Variants in NUP205 observed in about 807,000 individuals in gnomAD.
NUP205 encodes nucleoporin 205, also known as nuclear pore complex protein Nup205.
NUP205 carries 76 observed loss-of-function variants against 253.8 expected under a neutral mutation model. That is an observed-to-expected ratio of 0.30 (90% CI 0.25 to 0.36). The LOEUF (loss-of-function observed/expected upper bound fraction) is 0.36, where lower values mean the gene tolerates loss of function less well. Among genes scored for constraint, NUP205 ranks in the 10% least tolerant of loss-of-function variants. NUP205 has a pLI of 1.00. For synonymous variants in NUP205, 832 were observed against 850.1 expected (o/e 0.98, Z 0.37); for missense variants, 2,162 against 2,425.5 (o/e 0.89, Z 2.28).
At chr7:135,565,825 A>G (rs1296186660) in intron 1 of NUP205, among the ~76,000 whole-genome samples, 7 of 152,108 alleles carry the variant, frequency 4.6e-5, no homozygotes, top group African/African-American at 1.7e-4. Context: ...GCTACTGGAA[A>G]CTTTGCCATT....
At chr7:135,608,312 C>T (rs1432621535) in intron 22 of NUP205, among the ~76,000 whole-genome samples, 1 of 152,114 alleles carries the variant, frequency 6.6e-6, no homozygotes, top group African/African-American at 2.4e-5. Flanking sequence ...GCATGAGCCA[C>T]CGCGCCTGGC....
chr7:135,569,630 C>A lies in NUP205; in HGVS notation c.29-1475C>A, dbSNP rs546538284. The stretch of plus-strand genomic sequence containing the variant: ...AAAATGGAGGAAGCCATAGTGCTAA[C>A]CTCATAGGGTGTTGTTAAGACATAA... On this transcript the variant is annotated intron_variant, in intron 1 of 42. Coordinates refer to ENST00000285968, the MANE Select transcript of NUP205 (RefSeq NM_015135.3). Among the ~76,000 whole-genome samples, 275 of 151,862 alleles carry A rather than the reference C, an allele frequency of 1.8e-3. 1 individual carries two copies. The highest frequency in any genetic ancestry group is 2.9e-3 in the Non-Finnish European group (197 of 67,988).
intron 13 of NUP205, among the ~76,000 whole-genome samples, chr7:135,596,037 C>T (rs1388317741): frequency 4.6e-5 from 7 of 151,930 alleles, no homozygotes; most frequent in East Asian, 3.9e-4. Context: ...TGGGTTCAAG[C>T]GATTCTCCTG....
chr7:135,635,970 C>T (rs1048641792), intron 36 of NUP205, among the ~76,000 whole-genome samples: 5 of 152,154 alleles, frequency 3.3e-5, no homozygotes, highest in African/African-American at 4.8e-5. Context: ...GTTTTGGTTA[C>T]ATTAATATTT....
intron 22 of NUP205, among the ~76,000 whole-genome samples, chr7:135,608,101 A>G (rs1029626870): frequency 6.8e-6 from 1 of 147,854 alleles, no homozygotes; most frequent in Non-Finnish European, 1.5e-5. Flanking sequence ...ATTGTGGCAC[A>G]CTGCAACCTC....
intron 3 of NUP205, 51 bp downstream of exon 3, chr7:135,573,876 A>G: frequency 2.2e-6 from 3 of 1,390,584 alleles, no homozygotes; most frequent in South Asian, 2.5e-5. Context: ...AAATTATAAA[A>G]TCACTCATAG....
chr7:135,638,726 T>C lies in NUP205; in HGVS notation c.5392+43T>C, dbSNP rs189803476. Reference sequence around the variant, plus strand: ...TTCTGTATTGAAGGAACTAAGTTGCTATGGTTATGACATAGCTCTCCAGCT... The same window carrying C: ...TTCTGTATTGAAGGAACTAAGTTGCCATGGTTATGACATAGCTCTCCAGCT... On this transcript the variant is annotated intron_variant, in intron 38 of 42. Transcript: ENST00000285968. 4.8e-5 allele frequency: 78 copies of C among 1,611,534 alleles called. 1 individual carries two copies. The Middle Eastern group carries it at 5.0e-4, about 10-fold the overall frequency.
intron 22 of NUP205, among the ~76,000 whole-genome samples, chr7:135,612,582 GAACCCTTTTT>G (rs1468743111): frequency 2.0e-5 from 3 of 152,162 alleles, no homozygotes; most frequent in African/African-American, 7.2e-5. Context: ...ACCATTTAAA[GAACCCTTTTT>G]ATAGTATGAT....
intron 12 of NUP205, among the ~76,000 whole-genome samples, chr7:135,593,941 T>C (rs1793759393): frequency 6.6e-6 from 1 of 152,166 alleles, no homozygotes; most frequent in Non-Finnish European, 1.5e-5. Context: ...TAATTCATTG[T>C]GTATGTTCAA....
chr7:135,579,601 G>GTTTTTTT (rs1806249777), intron 7 of NUP205, among the ~76,000 whole-genome samples: 1 of 152,190 alleles, frequency 6.6e-6, no homozygotes, highest in East Asian at 1.9e-4. Flanking sequence ...ATTAAAAACA[G>GTTTTTTT]TTATTTTTCC....
Position 135,645,474 on chromosome 7 carries a change from T to C in NUP205, c.5690T>C (p.Ile1897Thr). The C allele has an allele frequency of 6.8e-6, 11 of 1,613,782 alleles. No individual in the cohort carries two copies. Among genetic ancestry groups the C allele is most frequent in the South Asian group, 1.1e-5 (1 of 91,046 alleles). The change falls in exon 41 of 43, where the codon ATA becomes ACA. Residue 1897 changes from isoleucine to threonine, a missense_variant. Physicochemically the swap from Ile to Thr is moderately conservative, Grantham distance 89 (BLOSUM62 -1). Coordinates refer to ENST00000285968, the MANE Select transcript of NUP205 (RefSeq NM_015135.3). ...AATCTGAGCTCTGGTATAGTTATCA[T>C]AGAGACCTGCCTATTTATTCTTTGG... is the stretch of plus-strand genomic sequence containing the variant. ...AKLLSLCSFI[I>T]ETCLFILWRH...
At chr7:135,615,815 C>T in intron 23 of NUP205, 101 bp from the exon 24 acceptor site, 1 of 648,984 alleles carries the variant, frequency 1.5e-6, no homozygotes, top group Non-Finnish European at 2.4e-6. Context: ...AAATTATTGA[C>T]TTTGTTACAT....
intron 38 of NUP205, among the ~76,000 whole-genome samples, chr7:135,642,618 G>A (rs955840736): frequency 3.3e-5 from 5 of 152,196 alleles, no homozygotes; most frequent in Admixed American, 3.3e-4. Context: ...TAATGTAGCT[G>A]TTGTGGCAAA....
At chr7:135,620,977 T>A (rs1308754500) in intron 30 of NUP205, among the ~76,000 whole-genome samples, 1 of 152,270 alleles carries the variant, frequency 6.6e-6, no homozygotes, top group East Asian at 1.9e-4. Context: ...CTTTATATAC[T>A]TTATAGACAT....
Position 135,618,400 on chromosome 7 carries a change from C to T in NUP205, c.3772-12C>T. ...CCTGTTTAACCTTGTGATTCAATTC[C>T]TGTGGCTTTAGGAAATCAGCACTGT... On this transcript the variant is annotated splice_polypyrimidine_tract_variant and intron_variant, in intron 27 of 42. Coordinates refer to ENST00000285968, the MANE Select transcript of NUP205 (RefSeq NM_015135.3). 6.2e-7 allele frequency: 1 copy of T among 1,612,034 alleles called. No individual in the cohort carries two copies. The highest frequency in any genetic ancestry group is 8.5e-7 in the Non-Finnish European group (1 of 1,178,608).
Position 135,618,560 on chromosome 7 carries a change from G to A in NUP205, c.3920G>A (p.Arg1307Gln), listed in dbSNP as rs774676240. ...CPQDLIQAED[R>Q]QLIIRDILQD... ...CAGGACCTCATTCAGGCAGAGGATC[G>A]ACAACTGATTATTCGTGATATTTTA... is the stretch of plus-strand genomic sequence containing the variant. The change falls in exon 28 of 43, where the codon CGA becomes CAA. Residue 1307 changes from arginine to glutamine, a missense_variant. This residue lies in a region of NUP205 where 1,144 missense variants were observed against 1,280.9 expected (regional missense o/e 0.89). Transcript: ENST00000285968. 3.1e-6 allele frequency: 5 copies of A among 1,611,456 alleles called. No individual in the cohort carries two copies. Among genetic ancestry groups the A allele is most frequent in the East Asian group, 2.2e-5 (1 of 44,846 alleles).
In NUP205 at chr7:135,648,501, T is replaced by C. The variant is rs869312984; in HGVS notation, c.5984T>C (p.Phe1995Ser). 9 of 1,605,628 alleles carry C rather than the reference T, an allele frequency of 5.6e-6. No individual in the cohort carries two copies. Among genetic ancestry groups the C allele is most frequent in the Non-Finnish European group, 7.6e-6 (9 of 1,177,352 alleles). Residue 1995 changes from phenylalanine (F) to serine (S), a missense_variant, in exon 43 of 43, where the codon TTC becomes TCC. Around this residue, in one of 5 missense-constraint regions of NUP205, gnomAD observed 1,144 missense variants for 1,280.9 expected, o/e 0.89. Coordinates refer to ENST00000285968, the MANE Select transcript of NUP205 (RefSeq NM_015135.3). ...TCAAAAGTTCGATCTCGATATAGTT[T>C]CATACAGGCTCTTGTCAGACGTATC... ...LYSKVRSRYS[F>S]IQALVRRIRG...
chr7:135,598,489 T>C (rs1402068944), intron 15 of NUP205, among the ~76,000 whole-genome samples: 1 of 152,194 alleles, frequency 6.6e-6, no homozygotes, highest in Non-Finnish European at 1.5e-5. Context: ...GAACAAAAAG[T>C]GTCACATTTG....
intron 1 of NUP205, among the ~76,000 whole-genome samples, chr7:135,558,780 C>T (rs1184451763): frequency 6.6e-6 from 1 of 152,116 alleles, no homozygotes; most frequent in East Asian, 1.9e-4. Flanking sequence ...TAATTTGGTG[C>T]CTAGAATGTT....
Sources: gnomAD v4.1 joint callset for allele counts (sites outside exome capture counted in the v4.1 genomes callset) on GRCh38, gnomAD v4.1.1 for gene constraint, gnomAD v4.1.1 regional missense constraint, MANE v1.5 for transcripts, NCBI Gene and HGNC (gene_info 2026-07-23, HGNC 2026-07-21) for gene names.